MTR: variants seen among roughly 807,000 people sequenced by gnomAD.
MTR encodes methionine synthase.
MTR carries 84 observed loss-of-function variants against 154.8 expected under a neutral mutation model. The ratio of observed to expected loss-of-function variants is 0.54; its 90% CI spans 0.45 to 0.65. The LOEUF (loss-of-function observed/expected upper bound fraction) is 0.65, where lower values mean the gene tolerates loss of function less well. Ranked by LOEUF, MTR falls within the 30% of genes least tolerant of loss-of-function variation. The probability of loss-of-function intolerance (pLI) is 0.00; values close to 1 mark genes in which losing one functional copy is unlikely to be tolerated. For missense variants in MTR, 1,275 were observed against 1,570.2 expected (o/e 0.81, Z 3.18); for synonymous variants, 554 against 553.9 (o/e 1.00, Z 0.00).
rs146595946 is a variant in MTR, at chr1:236,850,602, T to C, written c.1695+79T>C. On this transcript the variant is annotated intron_variant, in intron 16 of 32. Transcript: ENST00000366577. ...CTAATGAATGGTTAGAACTAACTTA[T>C]ATATTTATTGGCTGATGAAATGTTA... 3.3e-4 allele frequency: 419 copies of C among 1,272,204 alleles called. 2 individuals are homozygous for C. In the African/African-American group the frequency reaches 6.5e-3, roughly 20 times the overall value. 78.8% of individuals were successfully genotyped at this position (1,272,204 alleles called of 1,614,324 possible).
chr1:236,847,272 C>A (rs919368279), intron 15 of MTR, among the ~76,000 whole-genome samples: 1 of 152,152 alleles, frequency 6.6e-6, no homozygotes, highest in Non-Finnish European at 1.5e-5. Flanking sequence ...TACTTCAGTT[C>A]GATTTTAAAA....
Position 236,898,311 on chromosome 1 carries a change from A to C in MTR, c.*667A>C, listed in dbSNP as rs1666771700. 1 of 152,106 alleles carries C rather than the reference A, an allele frequency of 6.6e-6. No individual in the cohort carries two copies. Among genetic ancestry groups the C allele is most frequent in the Admixed American group, 6.5e-5 (1 of 15,270 alleles). 9.4% of individuals were successfully genotyped at this position (152,106 alleles called of 1,614,324 possible). A position where few individuals can be genotyped will look rare whatever the true frequency, so the allele number is the denominator to read the frequency against. ...GGCATTTTCGTCCTCCCATAATTTC[A>C]TATTTCCGTACCCCTGAGGAAACAA... On this transcript the variant is annotated 3_prime_UTR_variant, in exon 33 of 33. Transcript: ENST00000366577.
chr1:236,802,388 A>C (rs988663638), intron 1 of MTR, among the ~76,000 whole-genome samples: 11 of 152,166 alleles, frequency 7.2e-5, no homozygotes, highest in Admixed American at 6.5e-4. Context: ...GACTTTAGAA[A>C]GTAATTTCAG....
At chr1:236,870,673 C>G (rs778825185) in intron 22 of MTR, among the ~76,000 whole-genome samples, 7 of 152,196 alleles carry the variant, frequency 4.6e-5, no homozygotes, top group African/African-American at 1.7e-4. Context: ...TGTATCTCCA[C>G]TGTGGATCTC....
chr1:236,850,483 T>C lies in MTR; in HGVS notation c.1655T>C (p.Leu552Ser). 6.2e-7 allele frequency: 1 copy of C among 1,613,752 alleles called. No individual in the cohort carries two copies. Among genetic ancestry groups the C allele is most frequent in the South Asian group, 1.1e-5 (1 of 91,076 alleles). ...GGGACTGGAATGGAGGAACACAACTTGTATGCCATTAATTTTATCCATGCA... is the reference window on the plus strand; with the variant it reads ...GGGACTGGAATGGAGGAACACAACTCGTATGCCATTAATTTTATCCATGCA... ...TIGTGMEEHN[L>S]YAINFIHATK... is the part of the protein sequence containing the mutation. The change falls in exon 16 of 33, where the codon TTG (leucine) becomes TCG (serine). Residue 552 changes from leucine (L) to serine (S), a missense_variant. Leu to Ser is a moderately radical substitution (Grantham distance 145, BLOSUM62 -2). Coordinates refer to ENST00000366577, the MANE Select transcript of MTR (RefSeq NM_000254.3).
chr1:236,849,334 A>G (rs1303287595), intron 15 of MTR, among the ~76,000 whole-genome samples: 1 of 152,234 alleles, frequency 6.6e-6, no homozygotes, highest in Admixed American at 6.5e-5. Context: ...AACAAGTAAT[A>G]AAACAACGAA....
chr1:236,883,983 C>T lies in MTR; in HGVS notation c.2677-1138C>T, dbSNP rs766721690. Among the ~76,000 whole-genome samples the T allele has an allele frequency of 3.3e-5, 5 of 152,110 alleles. No homozygotes were observed. The South Asian group carries it at 6.2e-4, about 19-fold the overall frequency. On this transcript the variant is annotated intron_variant, in intron 25 of 32. Coordinates refer to ENST00000366577, the MANE Select transcript of MTR (RefSeq NM_000254.3). ...TTTTAACTGATGTGATCAGTAGCTG[C>T]CGTTTCTTCTTTCTATGTAATTTTA... is the stretch of plus-strand genomic sequence containing the variant.
At chr1:236,835,128 A>G (rs1456678466) in intron 13 of MTR, among the ~76,000 whole-genome samples, 1 of 151,944 alleles carries the variant, frequency 6.6e-6, no homozygotes. Flanking sequence ...GTCTTAAACA[A>G]TGTGGAAGGG....
intron 5 of MTR, 130 bp downstream of exon 5, chr1:236,810,725 A>G (rs779061177): frequency 9.1e-6 from 7 of 772,000 alleles, no homozygotes; most frequent in Admixed American, 2.0e-5. Flanking sequence ...TCCATGTAAA[A>G]CGTGTACAGC....
intron 24 of MTR, among the ~76,000 whole-genome samples, chr1:236,875,779 T>C (rs1166816166): frequency 1.3e-5 from 2 of 152,208 alleles, no homozygotes; most frequent in African/African-American, 4.8e-5. Flanking sequence ...ACTGTACTTT[T>C]AGCCAATTTG....
chr1:236,870,551 T>A (rs1367153110), intron 22 of MTR, among the ~76,000 whole-genome samples: 2 of 152,186 alleles, frequency 1.3e-5, no homozygotes, highest in Admixed American at 6.5e-5. Context: ...CAGATAGGGC[T>A]GGTGCTGCTG....
At chr1:236,801,713 G>A (rs1483421701) in intron 1 of MTR, among the ~76,000 whole-genome samples, 1 of 152,168 alleles carries the variant, frequency 6.6e-6, no homozygotes, top group Non-Finnish European at 1.5e-5. Flanking sequence ...TTTGACTTGA[G>A]CTTTTCTCGC....
intron 15 of MTR, among the ~76,000 whole-genome samples, chr1:236,840,514 T>C (rs1183050306): frequency 2.0e-5 from 3 of 152,166 alleles, no homozygotes; most frequent in Non-Finnish European, 2.9e-5. Flanking sequence ...CAGGTGGTCT[T>C]ATAAGACCCC....
intron 31 of MTR, among the ~76,000 whole-genome samples, chr1:236,896,116 T>C (rs1666610184): frequency 1.3e-5 from 2 of 152,240 alleles, no homozygotes; most frequent in Admixed American, 1.3e-4. Context: ...GGCATGTGCC[T>C]TTCTGAGACA....
chr1:236,883,659 A>G (rs938390826), intron 25 of MTR, among the ~76,000 whole-genome samples: 2 of 152,304 alleles, frequency 1.3e-5, no homozygotes, highest in East Asian at 1.9e-4. Context: ...AGGCTGGGGA[A>G]TACTTTGTGG....
At position 236,812,150 on chromosome 1, in the gene MTR, T is replaced by C. The variant is rs78748385; in HGVS notation, c.503-588T>C. Among the ~76,000 whole-genome samples the C allele has an allele frequency of 1.6e-3, 249 of 152,380 alleles. 1 individual carries two copies. The highest frequency in any genetic ancestry group is 2.8e-3 in the Non-Finnish European group (190 of 68,038). On this transcript the variant is annotated intron_variant, in intron 5 of 32. Transcript: ENST00000366577. ...TGCTCACCCCAGGCCCCCACAGTGC[T>C]GGCGTGAGCCACTGCACTGGGCCAA...
intron 8 of MTR, among the ~76,000 whole-genome samples, chr1:236,823,862 T>C (rs1353030929): frequency 7.4e-6 from 1 of 134,724 alleles, no homozygotes; most frequent in African/African-American, 2.7e-5. Flanking sequence ...TTCTGTACCA[T>C]AGAATACCAT....
Position 236,815,595 on chromosome 1 carries a change from C to T in MTR, c.610-9C>T. On this transcript the variant is annotated splice_polypyrimidine_tract_variant and intron_variant, in intron 6 of 32. Transcript: ENST00000366577. ...GAAATAAAGACGTTCTTTCTTTTTT[C>T]CCTGACAGGCAGCCTTGTTTGCACT... is the stretch of plus-strand genomic sequence containing the variant. The T allele has an allele frequency of 6.2e-7, 1 of 1,613,708 alleles. No individual in the cohort carries two copies. Among genetic ancestry groups the T allele is most frequent in the Non-Finnish European group, 8.5e-7 (1 of 1,179,746 alleles).
intron 30 of MTR, 64 bp from the exon 31 acceptor site, chr1:236,895,294 A>G (rs1324269615): frequency 2.0e-6 from 3 of 1,522,758 alleles, no homozygotes; most frequent in African/African-American, 2.8e-5. Context: ...CAGGGGGTGG[A>G]GGCTGCACTG....
Sources: allele counts gnomAD v4.1 joint callset (sites outside exome capture counted in the v4.1 genomes callset), GRCh38; gene constraint gnomAD v4.1.1; transcripts MANE v1.5; gene names NCBI Gene and HGNC (gene_info 2026-07-23, HGNC 2026-07-21).